The following ESAM variants were observed in gnomAD, a reference collection of about 807,000 sequenced individuals.
The protein encoded by ESAM is endothelial cell-selective adhesion molecule.
In ESAM, 23 loss-of-function variants were observed where a neutral mutation model predicts 31.8. The observed-to-expected ratio is 0.72, with a 90% confidence interval of 0.52 to 1.03. ESAM has a LOEUF of 1.03. ESAM is among the 50% of genes least tolerant of loss of function. ESAM has a pLI of 0.00. For synonymous variants in ESAM, 216 were observed against 207.2 expected (o/e 1.04, Z -0.37); for missense variants, 478 against 488.9 (o/e 0.98, Z 0.21).
chr11:124,754,097 T>C lies in ESAM; in HGVS notation c.857+117A>G. The C allele has an allele frequency of 6.4e-7, 1 of 1,554,898 alleles. No homozygotes were observed. The highest frequency in any genetic ancestry group is 8.7e-7 in the Non-Finnish European group (1 of 1,147,926). ...TTCCCTCTCCCTTAAAACCTGCCCA[T>C]AGGAATGATGTTTCAGCCACTGACC... is the stretch of plus-strand genomic sequence containing the variant. On this transcript the variant is annotated intron_variant, in intron 6 of 6. Transcript: ENST00000278927. The surrounding 1 kb of genome is among the most constrained non-coding windows in gnomAD (Gnocchi z 4.5).
chr11:124,754,890 G>A lies in ESAM; in HGVS notation c.608-127C>T, dbSNP rs533551242. The A allele has an allele frequency of 1.4e-5, 17 of 1,258,850 alleles. 1 individual carries two copies. The South Asian group carries it at 2.4e-4, about 18-fold the overall frequency. The allele number at this position is 1,258,850 out of a possible 1,614,324, so 78.0% of individuals were successfully genotyped here. ...AGTCACGGCTTGTCTATTCCCTGAT[G>A]GGGGGAGAGGTGTGACAGCTGGGCT... On this transcript the variant is annotated intron_variant, in intron 4 of 6. Coordinates refer to ENST00000278927, the MANE Select transcript of ESAM (RefSeq NM_138961.3). The surrounding 1 kb of genome is among the most constrained non-coding windows in gnomAD (Gnocchi z 4.5).
rs149434259 is a variant in ESAM at position 124,759,735 on chromosome 11, C to A, written c.71-1208G>T. 3.5e-3 allele frequency among the ~76,000 whole-genome samples: 531 copies of A among 152,356 alleles called. 1 individual carries two copies. The highest frequency in any genetic ancestry group is 4.9e-3 in the Non-Finnish European group (333 of 68,030). On this transcript the variant is annotated intron_variant, in intron 1 of 6. Coordinates refer to ENST00000278927, the MANE Select transcript of ESAM (RefSeq NM_138961.3). This position sits in a 1 kb window ranked among gnomAD's most constrained non-coding sequence, Gnocchi z 6.8. ...TCTGTTACTTGGCCTTCGCAGCATCCCCCTTCCCATTTCCTGGAGGATCTC... is the reference window on the plus strand; with the variant it reads ...TCTGTTACTTGGCCTTCGCAGCATCACCCTTCCCATTTCCTGGAGGATCTC...
Position 124,753,927 on chromosome 11 carries a change from G to A in ESAM, c.892C>T (p.Pro298Ser). ...DAIAPRTLPW[P>S]KSSDTISKNG... ...TTGGAGATTGTGTCTGAGCTCTTGG[G>A]CCAGGGCAGGGTCCGGGGAGCAATG... The change falls in exon 7 of 7, where the codon CCC becomes TCC. Residue 298 changes from proline (P) to serine (S), a missense_variant. Transcript: ENST00000278927. The A allele has an allele frequency of 6.2e-7, 1 of 1,613,920 alleles. No homozygotes were observed. The highest frequency in any genetic ancestry group is 8.5e-7 in the Non-Finnish European group (1 of 1,180,000).
rs1944207107 is a variant in ESAM, at chr11:124,759,945, G to A, written c.71-1418C>T. Among the ~76,000 whole-genome samples, 1 of 152,220 alleles carries A rather than the reference G, an allele frequency of 6.6e-6. No homozygotes were observed. The highest frequency in any genetic ancestry group is 6.5e-5 in the Admixed American group (1 of 15,290). ...CGCCTGGAGCCTGCAGGTGCTGCCG[G>A]CTCTCCCCCAGCCTTTCTACGACAC... On this transcript the variant is annotated intron_variant, in intron 1 of 6. Coordinates refer to ENST00000278927, the MANE Select transcript of ESAM (RefSeq NM_138961.3). This position sits in a 1 kb window ranked among gnomAD's most constrained non-coding sequence, Gnocchi z 6.8.
chr11:124,756,368 C>T lies in ESAM; in HGVS notation c.452-6G>A, dbSNP rs1477283575. The T allele has an allele frequency of 6.3e-7, 1 of 1,592,736 alleles. No individual in the cohort carries two copies. The highest frequency in any genetic ancestry group is 1.8e-5 in the Admixed American group (1 of 56,460). On this transcript the variant is annotated splice_region_variant and splice_polypyrimidine_tract_variant and intron_variant, in intron 3 of 6. Coordinates refer to ENST00000278927, the MANE Select transcript of ESAM (RefSeq NM_138961.3). ...GGATGGAGGAGCTGGAGGAACTGGG[C>T]AGGGGGAGACAGATTAAAACCACAC...
Position 124,756,420 on chromosome 11 carries a change from C to T in ESAM, c.452-58G>A. 12 of 1,573,672 alleles carry T rather than the reference C, an allele frequency of 7.6e-6. No homozygotes were observed. In the South Asian group the frequency reaches 1.2e-4, roughly 16 times the overall value. On this transcript the variant is annotated intron_variant, in intron 3 of 6. Transcript: ENST00000278927. The stretch of plus-strand genomic sequence containing the variant: ...CAGGAGACCCACAGATCCTCTCCCT[C>T]TGCCCTGCACCCTTCTGTCGCTTCA...
chr11:124,760,583 G>T (rs184489987), intron 1 of ESAM, among the ~76,000 whole-genome samples: 2 of 152,246 alleles, frequency 1.3e-5, no homozygotes, highest in African/African-American at 4.8e-5. Flanking sequence ...GCGCCTGCAC[G>T]TTGCACCGGG....
Position 124,754,549 on chromosome 11 carries a change from GAGACAGGCCTCAGC to G in ESAM, c.730+78_730+91del. On this transcript the variant is annotated intron_variant, in intron 5 of 6. Transcript: ENST00000278927. The surrounding 1 kb of genome is among the most constrained non-coding windows in gnomAD (Gnocchi z 4.5). ...AGGGGAAGCTCCGTGCCCTGCTACA[GAGACAGGCCTCAGC>G]AGACAGGCCTCCTCCCCACTTGCAA... 9.1e-6 allele frequency: 14 copies of G among 1,539,754 alleles called. No homozygotes were observed. The highest frequency in any genetic ancestry group is 5.1e-5 in the South Asian group (4 of 78,768).
At chr11:124,758,191 A>T (rs1046694364) in intron 2 of ESAM, among the ~76,000 whole-genome samples, 158 bp downstream of exon 2, 4 of 152,160 alleles carry the variant, frequency 2.6e-5, no homozygotes, top group Non-Finnish European at 4.4e-5. Context: ...AGTCTCCAAT[A>T]TCAGAACAAA....
At chr11:124,760,246 ACCAACTGGT>A (rs1944211595) in intron 1 of ESAM, among the ~76,000 whole-genome samples, 1 of 152,088 alleles carries the variant, frequency 6.6e-6, no homozygotes, top group Admixed American at 6.5e-5. Context: ...CTCGGAAGTC[ACCAACTGGT>A]CCGTTTTTTT....
chr11:124,756,598 C>T lies in ESAM; in HGVS notation c.394G>A (p.Asp132Asn). 6.2e-7 allele frequency: 1 copy of T among 1,614,132 alleles called. No individual in the cohort carries two copies. Among genetic ancestry groups the T allele is most frequent in the Non-Finnish European group, 8.5e-7 (1 of 1,180,024 alleles). The change falls in exon 3 of 7, where the codon GAC (aspartate) becomes AAC (asparagine). Residue 132 changes from aspartate (D) to asparagine (N), a missense_variant. Coordinates refer to ENST00000278927, the MANE Select transcript of ESAM (RefSeq NM_138961.3). ...TGGCCCCTAGATTTGCCTTGTTTGT[C>T]TTGCACATTCACGGAGCAGCTGTAG... ...GPYSCSVNVQ[D>N]KQGKSRGHSI...
rs1944206295 is a variant in ESAM at position 124,759,882 on chromosome 11, G to A, written c.71-1355C>T. ...GCCTCAAGGAGCTGGACGCCCCCTG[G>A]GGACCCGGCCCGCTGGCCATTCCGC... On this transcript the variant is annotated intron_variant, in intron 1 of 6. Transcript: ENST00000278927. The surrounding 1 kb of genome is among the most constrained non-coding windows in gnomAD (Gnocchi z 6.8). 6.6e-6 allele frequency among the ~76,000 whole-genome samples: 1 copy of A among 152,348 alleles called. No individual in the cohort carries two copies. The highest frequency in any genetic ancestry group is 2.1e-4 in the South Asian group (1 of 4,828).
chr11:124,758,319 G>A, intron 2 of ESAM, 30 bp downstream of exon 2: 1 of 1,613,226 alleles, frequency 6.2e-7, no homozygotes, highest in Non-Finnish European at 8.5e-7. Flanking sequence ...GGCGCAACTT[G>A]CCGCTGGCTG....
chr11:124,762,092 A>G lies in ESAM; in HGVS notation c.63T>C (p.Ser21=). The G allele has an allele frequency of 6.2e-7, 1 of 1,610,960 alleles. No homozygotes were observed. Among genetic ancestry groups the G allele is most frequent in the South Asian group, 1.1e-5 (1 of 90,910 alleles). ...GGTCCGGGTTTCACTCACCGAGGGCACTCAGCCCCAGGAACAAAAACCGCA... is the reference window on the plus strand; with the variant it reads ...GGTCCGGGTTTCACTCACCGAGGGCGCTCAGCCCCAGGAACAAAAACCGCA... ...NLLRFLFLGL[S]ALAPPSRAQL... Residue 21 remains serine (S), a synonymous_variant, in exon 1 of 7, where the codon AGT becomes AGC. Transcript: ENST00000278927. The surrounding 1 kb of genome is among the most constrained non-coding windows in gnomAD (Gnocchi z 6.4).
Position 124,754,207 on chromosome 11 carries a change from CACTT to C in ESAM, c.857+3_857+6del. On this transcript the variant is annotated splice_donor_5th_base_variant and intron_variant, in intron 6 of 6. Transcript: ENST00000278927. This position sits in a 1 kb window ranked among gnomAD's most constrained non-coding sequence, Gnocchi z 4.5. The stretch of plus-strand genomic sequence containing the variant: ...CCCCCGCTGCAGCAGACACCAGGGA[CACTT>C]ACTTGATATCATTGGCTGGCTCCTC... The C allele has an allele frequency of 6.2e-7, 1 of 1,613,356 alleles. No individual in the cohort carries two copies.
chr11:124,753,597 T>G lies in ESAM; in HGVS notation c.*49A>C. 1 of 1,603,754 alleles carries G rather than the reference T, an allele frequency of 6.2e-7. No individual in the cohort carries two copies. The highest frequency in any genetic ancestry group is 8.5e-7 in the Non-Finnish European group (1 of 1,175,080). On this transcript the variant is annotated 3_prime_UTR_variant, in exon 7 of 7. Transcript: ENST00000278927. ...AGGCCTCTGTGCTAGAGGTGACCCT[T>G]ATAGGAAGGAGAGACCCCAAATCCT... is the stretch of plus-strand genomic sequence containing the variant.
chr11:124,753,693 C>T lies in ESAM; in HGVS notation c.1126G>A (p.Val376Met), dbSNP rs115917151. Residue 376 changes from valine to methionine, a missense_variant, in exon 7 of 7, where the codon GTG becomes ATG. Transcript: ENST00000278927. ...CTCTGGGCAGGCACCATCACAGGCA[C>T]AGCACCCATGCGGCTCAAGCCAGAG... ...SSSGLSRMGA[V>M]PVMVPAQSQA... 1.1e-3 allele frequency: 1,767 copies of T among 1,614,010 alleles called. 24 individuals are homozygous for T. In the African/African-American group the frequency reaches 0.021, roughly 20 times the overall value.
chr11:124,756,505 G>T lies in ESAM; in HGVS notation c.451+36C>A, dbSNP rs759568918. 3 of 1,609,542 alleles carry T rather than the reference G, an allele frequency of 1.9e-6. No homozygotes were observed. In the African/African-American group the frequency reaches 4.0e-5, roughly 21 times the overall value. On this transcript the variant is annotated intron_variant, in intron 3 of 6. Transcript: ENST00000278927. The stretch of plus-strand genomic sequence containing the variant: ...GAGACTCACCAGACCTCCCAGTGCA[G>T]GTGGGGAGGGGTCCGGAAATCTGCT...
At position 124,754,602 on chromosome 11, in the gene ESAM, A is replaced by G. The variant is rs1401041714; in HGVS notation, c.730+39T>C. 28 of 1,591,080 alleles carry G rather than the reference A, an allele frequency of 1.8e-5. No homozygotes were observed. Among genetic ancestry groups the G allele is most frequent in the Non-Finnish European group, 2.3e-5 (27 of 1,166,932 alleles). On this transcript the variant is annotated intron_variant, in intron 5 of 6. Coordinates refer to ENST00000278927, the MANE Select transcript of ESAM (RefSeq NM_138961.3). The surrounding 1 kb of genome is among the most constrained non-coding windows in gnomAD (Gnocchi z 4.5). ...CCCCACTTGCAACCCCTCCCCCACC[A>G]TTGACCACTCTTCTTAACCACACTT...
Sources: allele counts gnomAD v4.1 joint callset (sites outside exome capture counted in the v4.1 genomes callset), GRCh38; gene constraint gnomAD v4.1.1; non-coding constraint Gnocchi (gnomAD v3.1); transcripts MANE v1.5; gene names NCBI Gene and HGNC (gene_info 2026-07-23, HGNC 2026-07-21).